MNS1: variants seen among roughly 807,000 people sequenced by gnomAD.
MNS1 encodes the protein meiosis specific nuclear structural 1, also known as meiosis-specific nuclear structural protein 1.
A neutral mutation model predicts 72.0 loss-of-function variants in MNS1; 63 were observed. The observed-to-expected ratio is 0.87, with a 90% CI of 0.71 to 1.08. The LOEUF (loss-of-function observed/expected upper bound fraction) is 1.08. Among genes scored for constraint, MNS1 ranks in the 50% least tolerant of loss-of-function variants. The pLI is 0.00. For missense variants in MNS1, 604 were observed against 562.4 expected, an observed-to-expected ratio of 1.07 and a Z score of -0.75; for synonymous variants, 188 against 172.1, an observed-to-expected ratio of 1.09 and a Z score of -0.72.
Position 56,429,089 on chromosome 15 carries a change from AT to A in MNS1, c.*11del. 6.4e-7 allele frequency: 1 copy of A among 1,550,814 alleles called. No individual in the cohort carries two copies. The stretch of plus-strand genomic sequence containing the variant: ...ATGCAAAAAATCTATGCTTTACCCA[AT>A]TTTGATGATATCATTTCTCTTCACA... On this transcript the variant is annotated 3_prime_UTR_variant, in exon 10 of 10. Coordinates refer to ENST00000260453, the MANE Select transcript of MNS1 (RefSeq NM_018365.4).
chr15:56,437,793 A>G (rs1348567809), intron 7 of MNS1, among the ~76,000 whole-genome samples: 1 of 152,226 alleles, frequency 6.6e-6, no homozygotes, highest in Non-Finnish European at 1.5e-5. Flanking sequence ...TCAATGTACA[A>G]AAATCACAAG....
chr15:56,445,656 G>A (rs1443162056), intron 4 of MNS1: 1 of 151,212 alleles, frequency 6.6e-6, no homozygotes, highest in Non-Finnish European at 1.5e-5. Flanking sequence ...CGAAAACAAT[G>A]TTCTCATTTT....
intron 2 of MNS1, among the ~76,000 whole-genome samples, chr15:56,462,524 A>G (rs1489942447): frequency 2.0e-5 from 3 of 152,218 alleles, no homozygotes; most frequent in Non-Finnish European, 1.5e-5. Context: ...AGGGAAATAA[A>G]TTAAAGGAAC....
In MNS1 at chr15:56,456,386, C is replaced by A; in HGVS notation, c.353+8G>T. ...CTAAATAAATGAAATTTAGAGAAAC[C>A]AAGATACCTGTTTTCTCTTACTTGT... On this transcript the variant is annotated splice_region_variant and intron_variant, in intron 3 of 9. Transcript: ENST00000260453. The A allele has an allele frequency of 2.5e-6, 4 of 1,596,064 alleles. No individual in the cohort carries two copies. Among genetic ancestry groups the A allele is most frequent in the Non-Finnish European group, 2.6e-6 (3 of 1,174,872 alleles).
At chr15:56,430,274 A>G (rs1373419553) in intron 9 of MNS1, among the ~76,000 whole-genome samples, 2 of 152,274 alleles carry the variant, frequency 1.3e-5, no homozygotes, top group African/African-American at 2.4e-5. Flanking sequence ...TGGCAAGATC[A>G]TGGGTCACTG....
At chr15:56,457,148 C>T (rs1414774277) in intron 2 of MNS1, among the ~76,000 whole-genome samples, 2 of 152,082 alleles carry the variant, frequency 1.3e-5, no homozygotes, top group Non-Finnish European at 2.9e-5. Flanking sequence ...CATTTTTCCC[C>T]CAAGCCACTG....
At chr15:56,464,850 C>G in intron 1 of MNS1, 120 bp downstream of exon 1, 7 of 1,415,300 alleles carry the variant, frequency 4.9e-6, no homozygotes, top group Non-Finnish European at 6.8e-6. Context: ...AAAGCAAATA[C>G]AAGTTCCCCA....
rs531105288 is a variant in MNS1 at position 56,441,059 on chromosome 15, C to A, written c.1011+2371G>T. 5.9e-5 allele frequency among the ~76,000 whole-genome samples: 9 copies of A among 152,166 alleles called. No homozygotes were observed. The South Asian group carries it at 1.9e-3, about 32-fold the overall frequency. Reference sequence around the variant, plus strand: ...TCCTCTAAGCACTGCATTAACTGCACGTCACATATTTTGGAATGCTGTTTT... The same window carrying A: ...TCCTCTAAGCACTGCATTAACTGCAAGTCACATATTTTGGAATGCTGTTTT... On this transcript the variant is annotated intron_variant, in intron 7 of 9. Coordinates refer to ENST00000260453, the MANE Select transcript of MNS1 (RefSeq NM_018365.4).
chr15:56,439,550 A>G (rs1230653736), intron 7 of MNS1, among the ~76,000 whole-genome samples: 1 of 152,160 alleles, frequency 6.6e-6, no homozygotes. Context: ...TAGAGACCAC[A>G]GGAATAGACC....
At chr15:56,447,966 A>G (rs2050920240) in intron 3 of MNS1, among the ~76,000 whole-genome samples, 2 of 152,200 alleles carry the variant, frequency 1.3e-5, no homozygotes, top group South Asian at 2.1e-4. Flanking sequence ...TTTATTGCAT[A>G]TAGTAATTGC....
chr15:56,443,204 A>G (rs1220228164), intron 7 of MNS1, among the ~76,000 whole-genome samples: 1 of 152,182 alleles, frequency 6.6e-6, no homozygotes, highest in Non-Finnish European at 1.5e-5. Context: ...AATTGTGATT[A>G]CAGACAACAT....
intron 9 of MNS1, chr15:56,429,416 A>G (rs1437692166): frequency 7.5e-6 from 3 of 400,770 alleles, no homozygotes; most frequent in Non-Finnish European, 1.3e-5. Flanking sequence ...TATCAGCTCT[A>G]GTGTAGGAGC....
chr15:56,455,349 T>G (rs1481774391), intron 3 of MNS1, among the ~76,000 whole-genome samples: 4 of 151,766 alleles, frequency 2.6e-5, no homozygotes, highest in African/African-American at 9.7e-5. Flanking sequence ...AAGCAGATTT[T>G]AACAGTAATT....
rs1345272786 is a variant in MNS1, at chr15:56,464,180, T to G, written c.71A>C (p.Lys24Thr). Residue 24 changes from lysine (K) to threonine (T), a missense_variant, in exon 2 of 10, where the codon AAA (lysine) becomes ACA (threonine). Lys to Thr is a moderately conservative substitution (Grantham distance 78). Coordinates refer to ENST00000260453, the MANE Select transcript of MNS1 (RefSeq NM_018365.4). ...TTTTAGAGCTTGGACATGTAATTTTTTGCAGTAGTTTTCATCTACTAATTT... is the reference window on the plus strand; with the variant it reads ...TTTTAGAGCTTGGACATGTAATTTTGTGCAGTAGTTTTCATCTACTAATTT... The part of the protein sequence containing the change: ...HQKLVDENYC[K>T]KLHVQALKNV... 6.2e-7 allele frequency: 1 copy of G among 1,614,098 alleles called. No homozygotes were observed. Among genetic ancestry groups the G allele is most frequent in the South Asian group, 1.1e-5 (1 of 91,062 alleles).
In MNS1 at chr15:56,434,198, T is replaced by C; in HGVS notation, c.1209A>G (p.Glu403=). The C allele has an allele frequency of 3.1e-6, 5 of 1,613,948 alleles. No individual in the cohort carries two copies. Among genetic ancestry groups the C allele is most frequent in the Non-Finnish European group, 4.2e-6 (5 of 1,179,914 alleles). Residue 403 remains glutamate, a synonymous_variant, in exon 8 of 10, where the codon GAA becomes GAG. Transcript: ENST00000260453. ...TAAGTTTTTCCACAGCCCTCCTGTG[T>C]TCCAGCTGCTTCATTCTTTGTTTCT... ...NAQKQRMKQL[E]HRRAVEKLIE... is the part of the protein sequence containing the mutation.
chr15:56,430,558 A>ACTAT (rs2050560815), intron 9 of MNS1, among the ~76,000 whole-genome samples: 1 of 152,112 alleles, frequency 6.6e-6, no homozygotes, highest in Non-Finnish European at 1.5e-5. Flanking sequence ...ATTAAAATTC[A>ACTAT]CTATCTTCTG....
Position 56,465,103 on chromosome 15 carries a change from C to A in MNS1, c.-131G>T. On this transcript the variant is annotated 5_prime_UTR_variant, in exon 1 of 10. Transcript: ENST00000260453. The stretch of plus-strand genomic sequence containing the variant: ...GGGTGTTTACGCGGCGTCTTGGCAA[C>A]GGTGGAGCTGCGCGCCCTCCGCTCG... 1 of 1,258,044 alleles carries A rather than the reference C, an allele frequency of 7.9e-7. No homozygotes were observed. Among genetic ancestry groups the A allele is most frequent in the South Asian group, 1.4e-5 (1 of 73,778 alleles). The allele number at this position is 1,258,044 out of a possible 1,614,324, so 77.9% of individuals were successfully genotyped here. A position where few individuals can be genotyped will look rare whatever the true frequency, so the allele number is the denominator to read the frequency against.
chr15:56,436,175 A>C (rs1283593025), intron 7 of MNS1, among the ~76,000 whole-genome samples: 1 of 152,158 alleles, frequency 6.6e-6, no homozygotes, highest in Non-Finnish European at 1.5e-5. Flanking sequence ...ACCACACCGC[A>C]CTTATTCCAA....
rs201186164 is a variant in MNS1 at position 56,434,245 on chromosome 15, G to C, written c.1162C>G (p.Arg388Gly). 38 of 1,613,660 alleles carry C rather than the reference G, an allele frequency of 2.4e-5. No homozygotes were observed. The highest frequency in any genetic ancestry group is 1.9e-5 in the Non-Finnish European group (22 of 1,179,852). ...TMLAKFAEDD[R>G]IELMNAQKQR... ...TTCTGAGCATTCATTAATTCTATTCGATCATCCTCAGCAAATTTAGCTAGC... is the reference window on the plus strand; with the variant it reads ...TTCTGAGCATTCATTAATTCTATTCCATCATCCTCAGCAAATTTAGCTAGC... Residue 388 changes from arginine to glycine, a missense_variant, in exon 8 of 10, where the codon CGA (arginine) becomes GGA (glycine). Arg to Gly is a moderately radical substitution (Grantham distance 125). Transcript: ENST00000260453.
Sources: allele counts gnomAD v4.1 joint callset (sites outside exome capture counted in the v4.1 genomes callset), GRCh38; gene constraint gnomAD v4.1.1; transcripts MANE v1.5; gene names NCBI Gene and HGNC (gene_info 2026-07-23, HGNC 2026-07-21).